Variants in NOX4 observed in about 807,000 individuals in gnomAD.
The protein encoded by NOX4 is NADPH oxidase 4.
NOX4 carries 69 observed loss-of-function variants against 87.6 expected under a neutral mutation model. The ratio of observed to expected loss-of-function variants is 0.79; its 90% CI spans 0.65 to 0.96. The LOEUF is 0.96. NOX4 is among the 40% of genes least tolerant of loss of function. The pLI, the probability that NOX4 is intolerant of heterozygous loss-of-function variation, is 0.00. For synonymous variants in NOX4, 275 were observed against 238.2 expected (o/e 1.15, Z -1.42); for missense variants, 680 against 681.5 (o/e 1.00, Z 0.02).
the NOX4 span, among the ~76,000 whole-genome samples, chr11:89,588,895 G>T: frequency 6.6e-6 from 1 of 152,120 alleles, no homozygotes; most frequent in Non-Finnish European, 1.5e-5. Context: ...TTAACTAAAA[G>T]ATGTAATTGC....
intron 7 of NOX4, among the ~76,000 whole-genome samples, chr11:89,426,526 A>G (rs1024958131): frequency 6.6e-6 from 1 of 152,090 alleles, no homozygotes; most frequent in Non-Finnish European, 1.5e-5. Context: ...TCCTACCCTA[A>G]TACTGTGCTT....
chr11:89,506,597 G>C, the NOX4 span, among the ~76,000 whole-genome samples: 1 of 151,724 alleles, frequency 6.6e-6, no homozygotes, highest in African/African-American at 2.4e-5. Context: ...GGTCATTAAA[G>C]TATATAACTT....
intron 17 of NOX4, among the ~76,000 whole-genome samples, chr11:89,334,624 T>C (rs1201860973): frequency 1.3e-5 from 2 of 151,722 alleles, no homozygotes; most frequent in African/African-American, 4.8e-5. Context: ...TTTAATAAGC[T>C]GGCCTGTACA....
intron 11 of NOX4, among the ~76,000 whole-genome samples, chr11:89,381,212 G>A (rs1940260776): frequency 6.6e-6 from 1 of 152,130 alleles, no homozygotes; most frequent in Non-Finnish European, 1.5e-5. Flanking sequence ...ACATGCCTCT[G>A]ACTCATGGAA....
the NOX4 span, among the ~76,000 whole-genome samples, chr11:89,537,850 GC>G: frequency 5.9e-5 from 9 of 152,050 alleles, no homozygotes; most frequent in African/African-American, 2.2e-4. Context: ...ATAAAAGATG[GC>G]TGTAGCATGT....
intron 2 of NOX4, among the ~76,000 whole-genome samples, chr11:89,464,182 T>C (rs1482476564): frequency 6.6e-6 from 1 of 152,120 alleles, no homozygotes; most frequent in African/African-American, 2.4e-5. Flanking sequence ...ATTGTGTTTA[T>C]ATTAAATCCC....
chr11:89,340,041 C>T lies in NOX4; in HGVS notation c.1446+22G>A, dbSNP rs770323238. 14 of 1,363,588 alleles carry T rather than the reference C, an allele frequency of 1.0e-5. No individual in the cohort carries two copies. In the South Asian group the frequency reaches 1.6e-4, roughly 16 times the overall value. The allele number at this position is 1,363,588 out of a possible 1,614,324, so 84.5% of individuals were successfully genotyped here. Reference sequence around the variant, plus strand: ...ATTTTTAATTTGAAAAATTGCAAAACTAGAACCAACCCTAATGTTACCTTG... The same window carrying T: ...ATTTTTAATTTGAAAAATTGCAAAATTAGAACCAACCCTAATGTTACCTTG... On this transcript the variant is annotated intron_variant, in intron 15 of 17. Coordinates refer to ENST00000263317, the MANE Select transcript of NOX4 (RefSeq NM_016931.5).
intron 11 of NOX4, among the ~76,000 whole-genome samples, chr11:89,376,136 GT>G (rs1429392306): frequency 1.3e-5 from 2 of 152,146 alleles, no homozygotes; most frequent in Non-Finnish European, 2.9e-5. Context: ...TGCTAATCTG[GT>G]TTTGAACGGA....
chr11:89,346,408 A>T (rs1160134371), intron 13 of NOX4, among the ~76,000 whole-genome samples: 3 of 152,156 alleles, frequency 2.0e-5, no homozygotes, highest in Non-Finnish European at 4.4e-5. Context: ...TACATTTAAT[A>T]TAAGATTTTT....
rs751479349 is a variant in NOX4, at chr11:89,400,099, TAA to T, written c.1012-22_1012-21del. ...AATATACTAAAAAGCAACAAACAGA[TAA>T]GTTTTAAATGACCAATTAAGAATTT... is the stretch of plus-strand genomic sequence containing the variant. On this transcript the variant is annotated intron_variant, in intron 10 of 17. Coordinates refer to ENST00000263317, the MANE Select transcript of NOX4 (RefSeq NM_016931.5). 3.1e-6 allele frequency: 5 copies of T among 1,592,282 alleles called. No individual in the cohort carries two copies. In the African/African-American group the frequency reaches 5.4e-5, roughly 17 times the overall value.
intron 2 of NOX4, among the ~76,000 whole-genome samples, chr11:89,464,993 A>G (rs1945613393): frequency 6.6e-6 from 1 of 152,054 alleles, no homozygotes; most frequent in Non-Finnish European, 1.5e-5. Context: ...TATTTTTAAA[A>G]AACATTTTTG....
At chr11:89,568,113 G>A in the NOX4 span, among the ~76,000 whole-genome samples, 11 of 152,164 alleles carry the variant, frequency 7.2e-5, no homozygotes, top group African/African-American at 2.7e-4. Context: ...TATGGATAGA[G>A]CATGCAGCTC....
chr11:89,381,994 T>C (rs1940323815), intron 11 of NOX4, among the ~76,000 whole-genome samples: 1 of 152,136 alleles, frequency 6.6e-6, no homozygotes, highest in African/African-American at 2.4e-5. Context: ...CCGGCACCAG[T>C]CACGGACTCG....
upstream of NOX4, among the ~76,000 whole-genome samples, chr11:89,496,000 T>C (rs1248475953): frequency 6.6e-6 from 1 of 152,154 alleles, no homozygotes; most frequent in African/African-American, 2.4e-5. Flanking sequence ...TCCTAGAGGT[T>C]TGAGTAACCG....
intron 7 of NOX4, among the ~76,000 whole-genome samples, chr11:89,425,649 G>T (rs1943355075): frequency 6.6e-6 from 1 of 151,914 alleles, no homozygotes; most frequent in Admixed American, 6.6e-5. Context: ...GAGAAAAAAT[G>T]ATTTGGGGGT....
chr11:89,567,930 T>C, the NOX4 span, among the ~76,000 whole-genome samples: 9 of 152,322 alleles, frequency 5.9e-5, no homozygotes, highest in East Asian at 7.7e-4. Context: ...CTGTTGTCAG[T>C]GTGTGTGCAT....
At chr11:89,582,055 C>T in the NOX4 span, among the ~76,000 whole-genome samples, 1 of 152,112 alleles carries the variant, frequency 6.6e-6, no homozygotes, top group Non-Finnish European at 1.5e-5. Context: ...CTGTCAGCTG[C>T]TATTCTAGTC....
At chr11:89,414,614 T>A (rs201936561) in intron 8 of NOX4, among the ~76,000 whole-genome samples, 36,736 of 113,266 alleles carry the variant, frequency 0.32, 7,619 homozygotes, top group East Asian at 0.49. Flanking sequence ...GTATCACATT[T>A]TTTTTATTTT....
rs59319897 is a variant in NOX4, at chr11:89,444,466, AACACAC to A, written c.350-240_350-235del. Reference sequence around the variant, plus strand: ...ACCCTAGTAAGTCAGGGATAAGAGAAACACACACACACACACACACACACACATACA... The same window carrying A: ...ACCCTAGTAAGTCAGGGATAAGAGAAACACACACACACACACACACATACA... On this transcript the variant is annotated intron_variant, in intron 4 of 17. Transcript: ENST00000263317. Among the ~76,000 whole-genome samples, 52 of 147,210 alleles carry A rather than the reference AACACAC, an allele frequency of 3.5e-4. 1 individual carries two copies. The highest frequency in any genetic ancestry group is 2.8e-3 in the South Asian group (13 of 4,656).
Sources: gnomAD v4.1 joint callset for allele counts (sites outside exome capture counted in the v4.1 genomes callset) on GRCh38, gnomAD v4.1.1 for gene constraint, MANE v1.5 for transcripts, NCBI Gene and HGNC (gene_info 2026-07-23, HGNC 2026-07-21) for gene names.